CCDC92: variants seen among roughly 807,000 people sequenced by gnomAD.
The protein encoded by CCDC92 is coiled-coil domain containing 92.
CCDC92 carries 12 observed loss-of-function variants against 24.9 expected under a neutral mutation model. That is an observed-to-expected ratio of 0.48 (90% CI 0.31 to 0.78). CCDC92 has a LOEUF of 0.78. Among genes scored for constraint, CCDC92 ranks in the 30% least tolerant of loss-of-function variants. The pLI, the probability that CCDC92 is intolerant of heterozygous loss-of-function variation, is 0.05. For synonymous variants in CCDC92, 193 were observed against 196.3 expected (o/e 0.98, Z 0.14); for missense variants, 399 against 439.4 (o/e 0.91, Z 0.82).
At chr12:123,965,041 GCTGGGTCTTTTTTTGAATA>G (rs1956359389) in intron 1 of CCDC92, among the ~76,000 whole-genome samples, 1 of 152,178 alleles carries the variant, frequency 6.6e-6, no homozygotes, top group South Asian at 2.1e-4. Flanking sequence ...CGGATGAGCT[GCTGGGTCTTTTTTTGAATA>G]CTGGGTCTTT....
chr12:123,936,943 G>T lies in CCDC92; in HGVS notation c.*115C>A. ...GGCAAGAGAAGCAGAAGGAGAATGGGTCGGTAGGTGTGAAAAGTGTTTGGC... is the reference window on the plus strand; with the variant it reads ...GGCAAGAGAAGCAGAAGGAGAATGGTTCGGTAGGTGTGAAAAGTGTTTGGC... On this transcript the variant is annotated 3_prime_UTR_variant, in exon 5 of 5. Coordinates refer to ENST00000238156, the MANE Select transcript of CCDC92 (RefSeq NM_025140.3). 3.5e-6 allele frequency: 4 copies of T among 1,151,642 alleles called. No individual in the cohort carries two copies. In the South Asian group the frequency reaches 4.3e-5, roughly 12 times the overall value. 71.3% of individuals were successfully genotyped at this position (1,151,642 alleles called of 1,614,324 possible).
At chr12:123,963,652 G>A (rs1382761839) in intron 1 of CCDC92, among the ~76,000 whole-genome samples, 1 of 152,184 alleles carries the variant, frequency 6.6e-6, no homozygotes, top group East Asian at 1.9e-4. Context: ...GAACGCTAAA[G>A]TGACCTGAGA....
At chr12:123,943,582 G>T in intron 2 of CCDC92, 89 bp from the exon 3 acceptor site, 2 of 1,430,822 alleles carry the variant, frequency 1.4e-6, no homozygotes, top group Non-Finnish European at 9.7e-7. Context: ...AGGGGTGTGC[G>T]CCTCCCAGGA....
chr12:123,936,883 G>T lies in CCDC92; in HGVS notation c.*175C>A. ...GCAATTAGGAAATACATATTCTGCG[G>T]CAGGGACACGATCATATTTTGGTGT... On this transcript the variant is annotated 3_prime_UTR_variant, in exon 5 of 5. Transcript: ENST00000238156. 2.9e-6 allele frequency: 2 copies of T among 692,004 alleles called. No homozygotes were observed. The highest frequency in any genetic ancestry group is 4.8e-6 in the Non-Finnish European group (2 of 418,450). 42.9% of individuals were successfully genotyped at this position (692,004 alleles called of 1,614,324 possible).
chr12:123,961,807 T>A (rs753896041), intron 1 of CCDC92, among the ~76,000 whole-genome samples: 1 of 152,184 alleles, frequency 6.6e-6, no homozygotes, highest in Non-Finnish European at 1.5e-5. Context: ...GATATTCTTA[T>A]CCTCAGTTCA....
intron 1 of CCDC92, among the ~76,000 whole-genome samples, chr12:123,965,414 G>C (rs936905337): frequency 5.9e-5 from 9 of 152,178 alleles, no homozygotes; most frequent in African/African-American, 2.2e-4. Flanking sequence ...CGCTCTCACT[G>C]GAGTATGAAG....
chr12:123,968,442 G>C (rs1473920019), intron 1 of CCDC92: 1 of 152,144 alleles, frequency 6.6e-6, no homozygotes, highest in Non-Finnish European at 1.5e-5. Context: ...TGCCTTATTT[G>C]CTAATTTGTT....
At chr12:123,946,951 G>A (rs1332050539) in intron 1 of CCDC92, among the ~76,000 whole-genome samples, 1 of 152,136 alleles carries the variant, frequency 6.6e-6, no homozygotes, top group Non-Finnish European at 1.5e-5. Flanking sequence ...GGAGGGAGAG[G>A]CGCAAGCAGA....
chr12:123,959,304 G>T (rs1342220848), intron 1 of CCDC92, among the ~76,000 whole-genome samples: 1 of 152,030 alleles, frequency 6.6e-6, no homozygotes, highest in African/African-American at 2.4e-5. Flanking sequence ...CACACCAAAT[G>T]TCTGACTGCC....
intron 1 of CCDC92, among the ~76,000 whole-genome samples, chr12:123,971,205 A>G (rs1231022175): frequency 6.6e-6 from 1 of 152,178 alleles, no homozygotes; most frequent in South Asian, 2.1e-4. Flanking sequence ...CTATTTTAAG[A>G]TTTTTCAGTG....
At chr12:123,949,871 C>T (rs532759459) in intron 1 of CCDC92, among the ~76,000 whole-genome samples, 12 of 152,336 alleles carry the variant, frequency 7.9e-5, no homozygotes, top group South Asian at 2.1e-4. Flanking sequence ...TCTCCAGCAG[C>T]GTGAAGACAA....
At chr12:123,939,468 A>AAAT (rs1230195744) in intron 4 of CCDC92, among the ~76,000 whole-genome samples, 1 of 151,264 alleles carries the variant, frequency 6.6e-6, no homozygotes, top group Non-Finnish European at 1.5e-5. Context: ...TGTAAGTTGA[A>AAAT]AATACCGTAA....
At chr12:123,954,667 T>C (rs1956108359) in intron 1 of CCDC92, among the ~76,000 whole-genome samples, 1 of 152,250 alleles carries the variant, frequency 6.6e-6, no homozygotes, top group South Asian at 2.1e-4. Flanking sequence ...TGAAAATGCC[T>C]CATGAAGAAA....
Position 123,937,762 on chromosome 12 carries a change from T to C in CCDC92, c.292A>G (p.Lys98Glu). ...AACAACTCAGCATTTTCGTTCTCTTTCACTTTCAGTTGGGCTTCCAGCTCT... is the reference window on the plus strand; with the variant it reads ...AACAACTCAGCATTTTCGTTCTCTTCCACTTTCAGTTGGGCTTCCAGCTCT... ...CEELEAQLKV[K>E]ENENAELLKE... Residue 98 changes from lysine (K) to glutamate (E), a missense_variant, in exon 5 of 5, where the codon AAA (lysine) becomes GAA (glutamate). Coordinates refer to ENST00000238156, the MANE Select transcript of CCDC92 (RefSeq NM_025140.3). This position sits in a 1 kb window ranked among gnomAD's most constrained non-coding sequence, Gnocchi z 8.4. 6.2e-7 allele frequency: 1 copy of C among 1,614,020 alleles called. No individual in the cohort carries two copies. Among genetic ancestry groups the C allele is most frequent in the Non-Finnish European group, 8.5e-7 (1 of 1,180,038 alleles).
At chr12:123,971,997 G>C (rs1295714934) in intron 1 of CCDC92, 1 of 152,294 alleles carries the variant, frequency 6.6e-6, no homozygotes, top group Non-Finnish European at 1.5e-5. Flanking sequence ...GATTCAGACG[G>C]CCTCCTCCCC....
At chr12:123,968,613 T>G (rs988561677) in intron 1 of CCDC92, 2 of 152,326 alleles carry the variant, frequency 1.3e-5, no homozygotes, top group Middle Eastern at 3.4e-3. Context: ...GTTCAAAGTT[T>G]GAGGAGTCTT....
chr12:123,938,620 C>T (rs1487793501), intron 4 of CCDC92, among the ~76,000 whole-genome samples: 2 of 152,226 alleles, frequency 1.3e-5, no homozygotes, highest in East Asian at 1.9e-4. Context: ...CTCCTCCTAA[C>T]GCTGGCTGGC....
intron 2 of CCDC92, 121 bp from the exon 3 acceptor site, chr12:123,943,614 C>A (rs944564540): frequency 1.8e-6 from 2 of 1,088,976 alleles, no homozygotes; most frequent in Admixed American, 1.9e-5. Flanking sequence ...GAAACCACGG[C>A]TCCTGAAGGG....
At chr12:123,960,073 A>G (rs965714495) in intron 1 of CCDC92, among the ~76,000 whole-genome samples, 2 of 152,232 alleles carry the variant, frequency 1.3e-5, no homozygotes, top group East Asian at 1.9e-4. Context: ...ATCTAAAGGT[A>G]GGTCGCTTAT....
Sources: gnomAD v4.1 joint callset for allele counts (sites outside exome capture counted in the v4.1 genomes callset) on GRCh38, gnomAD v4.1.1 for gene constraint, Gnocchi (gnomAD v3.1) non-coding constraint, MANE v1.5 for transcripts, NCBI Gene and HGNC (gene_info 2026-07-23, HGNC 2026-07-21) for gene names.